UHRF2: variants seen among roughly 807,000 people sequenced by gnomAD.
The protein encoded by UHRF2 is ubiquitin like with PHD and ring finger domains 2, also known as E3 ubiquitin-protein ligase UHRF2.
Under a neutral mutation model 96.8 loss-of-function variants are expected in UHRF2, and 23 were observed. That is an observed-to-expected ratio of 0.24 (90% CI 0.17 to 0.34). The LOEUF is 0.34. Among genes scored for constraint, UHRF2 ranks in the 10% least tolerant of loss-of-function variants. UHRF2 has a pLI of 1.00. For missense variants in UHRF2, 685 were observed against 981.5 expected, an observed-to-expected ratio of 0.70 and a Z score of 4.04; for synonymous variants, 385 against 332.6, an observed-to-expected ratio of 1.16 and a Z score of -1.72.
intron 2 of UHRF2, among the ~76,000 whole-genome samples, chr9:6,427,887 A>G (rs1018126152): frequency 8.5e-5 from 13 of 152,236 alleles, no homozygotes; most frequent in African/African-American, 2.4e-4. Context: ...TGCATTTAAC[A>G]TAAATTGAAT....
chr9:6,434,316 T>G, intron 3 of UHRF2, 143 bp downstream of exon 3: 3 of 1,021,922 alleles, frequency 2.9e-6, no homozygotes, highest in African/African-American at 1.6e-5. Context: ...GTTTTGGTGG[T>G]TGTACTCTAA....
chr9:6,459,905 T>G (rs763152624), intron 3 of UHRF2, among the ~76,000 whole-genome samples: 4 of 152,132 alleles, frequency 2.6e-5, no homozygotes, highest in Non-Finnish European at 5.9e-5. Flanking sequence ...CCCAGGAGTT[T>G]GAGGCTACAG....
chr9:6,488,883 G>A (rs1196228610), intron 9 of UHRF2, among the ~76,000 whole-genome samples: 1 of 151,852 alleles, frequency 6.6e-6, no homozygotes, highest in Non-Finnish European at 1.5e-5. Flanking sequence ...TGCGATTTCG[G>A]CTCACTGCAA....
At position 6,500,573 on chromosome 9, in the gene UHRF2, A is replaced by G. The variant is rs1456998017; in HGVS notation, c.2027A>G (p.Lys676Arg). The G allele has an allele frequency of 6.2e-7, 1 of 1,612,552 alleles. No homozygotes were observed. Among genetic ancestry groups the G allele is most frequent in the Non-Finnish European group, 8.5e-7 (1 of 1,179,800 alleles). Residue 676 changes from lysine (K) to arginine (R), a missense_variant, in exon 14 of 16, where the codon AAA becomes AGA. Physicochemically the swap from Lys to Arg is conservative, Grantham distance 26. Around this residue, in one of 6 missense-constraint regions of UHRF2, gnomAD observed 99 missense variants for 73.5 expected, o/e 1.35. Coordinates refer to ENST00000276893, the MANE Select transcript of UHRF2 (RefSeq NM_152896.3). ...ISDDDCPSAS[K>R]VYKASDSAEA... is the part of the protein sequence containing the mutation. ...CTAGATGACTGTCCAAGTGCCTCCA[A>G]AGTGTACAAAGCATCAGATTCAGCA... is the stretch of plus-strand genomic sequence containing the variant.
chr9:6,446,279 T>G (rs917010798), intron 3 of UHRF2, among the ~76,000 whole-genome samples: 57 of 151,620 alleles, frequency 3.8e-4, no homozygotes, highest in African/African-American at 1.3e-3. Flanking sequence ...GCCTCCCAGG[T>G]AGATGGAATT....
intron 8 of UHRF2, among the ~76,000 whole-genome samples, chr9:6,483,778 C>G (rs537685148): frequency 9.9e-5 from 15 of 152,174 alleles, no homozygotes; most frequent in Admixed American, 2.6e-4. Context: ...CAACCTCTAC[C>G]TCCCGGGTTC....
chr9:6,451,900 T>C (rs1821893561), intron 3 of UHRF2, among the ~76,000 whole-genome samples: 1 of 152,156 alleles, frequency 6.6e-6, no homozygotes. Context: ...TTCTCCTGCC[T>C]CAGCCTCCCA....
chr9:6,497,960 T>G, intron 11 of UHRF2, 58 bp from the exon 12 acceptor site: 2 of 1,590,934 alleles, frequency 1.3e-6, no homozygotes, highest in Admixed American at 3.4e-5. Context: ...ATACCACTAA[T>G]GTGATGAATA....
At chr9:6,502,753 T>C (rs958098181) in intron 14 of UHRF2, among the ~76,000 whole-genome samples, 5 of 152,218 alleles carry the variant, frequency 3.3e-5, no homozygotes, top group African/African-American at 7.2e-5. Flanking sequence ...ACCCGTATTA[T>C]AGGAACTGTG....
chr9:6,503,599 A>G (rs1816420795), intron 14 of UHRF2, among the ~76,000 whole-genome samples: 1 of 152,164 alleles, frequency 6.6e-6, no homozygotes, highest in Non-Finnish European at 1.5e-5. Context: ...ATCCTAGGAA[A>G]ATAAATGTTT....
At chr9:6,421,214 A>G in intron 2 of UHRF2, 72 bp downstream of exon 2, 1 of 1,123,912 alleles carries the variant, frequency 8.9e-7, no homozygotes, top group Non-Finnish European at 1.3e-6. Flanking sequence ...GATGTTTTGA[A>G]TAAGTAAACA....
intron 2 of UHRF2, among the ~76,000 whole-genome samples, chr9:6,431,955 G>T (rs776665800): frequency 5.9e-5 from 9 of 152,142 alleles, no homozygotes; most frequent in Non-Finnish European, 1.2e-4. Flanking sequence ...GATTTGCTGC[G>T]ACAGAGTAGT....
At chr9:6,413,870 G>T in intron 1 of UHRF2, 1 of 448,672 alleles carries the variant, frequency 2.2e-6, no homozygotes, top group Non-Finnish European at 3.7e-6. Flanking sequence ...GGGGTCAGAA[G>T]TGAGGGCGTC....
In UHRF2 at chr9:6,413,375, T is replaced by TCGCC; in HGVS notation, c.-111_-108dup. 9.2e-7 allele frequency: 1 copy of TCGCC among 1,086,792 alleles called. No individual in the cohort carries two copies. Among genetic ancestry groups the TCGCC allele is most frequent in the Non-Finnish European group, 1.2e-6 (1 of 867,356 alleles). The allele number at this position is 1,086,792 out of a possible 1,614,324, so 67.3% of individuals were successfully genotyped here. ...CGTCCGGTCGGTCCGGTGGGCGCGC[T>TCGCC]CGCCCGCCTGCCGCTGAGGGCCCGA... On this transcript the variant is annotated 5_prime_UTR_variant, in exon 1 of 16. Transcript: ENST00000276893.
At chr9:6,463,905 C>T (rs1051978885) in intron 4 of UHRF2, among the ~76,000 whole-genome samples, 6 of 152,172 alleles carry the variant, frequency 3.9e-5, no homozygotes, top group African/African-American at 1.4e-4. Flanking sequence ...GTGCTGCCAT[C>T]AGGTTCTTGT....
At chr9:6,469,672 G>T (rs977580180) in intron 4 of UHRF2, among the ~76,000 whole-genome samples, 2 of 99,562 alleles carry the variant, frequency 2.0e-5, no homozygotes, top group African/African-American at 6.3e-5. Flanking sequence ...GTGTGTGTGT[G>T]TGTGTATGTA....
intron 2 of UHRF2, among the ~76,000 whole-genome samples, chr9:6,430,024 C>G (rs1820479648): frequency 6.6e-6 from 1 of 152,082 alleles, no homozygotes; most frequent in African/African-American, 2.4e-5. Flanking sequence ...TGTGGCTTTT[C>G]TTTTTTTGAA....
intron 15 of UHRF2, among the ~76,000 whole-genome samples, chr9:6,505,698 A>T (rs1490928265): frequency 6.6e-6 from 1 of 152,196 alleles, no homozygotes; most frequent in Non-Finnish European, 1.5e-5. Context: ...TTCCCCCTCT[A>T]GGGCTCTGTT....
chr9:6,450,836 T>C (rs1363417640), intron 3 of UHRF2, among the ~76,000 whole-genome samples: 2 of 152,234 alleles, frequency 1.3e-5, no homozygotes, highest in African/African-American at 2.4e-5. Flanking sequence ...AGCCCTGGGT[T>C]CAGCCATGTC....
Sources: gnomAD v4.1 joint callset for allele counts (sites outside exome capture counted in the v4.1 genomes callset) on GRCh38, gnomAD v4.1.1 for gene constraint, gnomAD v4.1.1 regional missense constraint, MANE v1.5 for transcripts, NCBI Gene and HGNC (gene_info 2026-07-23, HGNC 2026-07-21) for gene names.